TRIP11: variants seen among roughly 807,000 people sequenced by gnomAD.
TRIP11 encodes the protein thyroid receptor-interacting protein 11.
In TRIP11, 148 loss-of-function variants were observed where a neutral mutation model predicts 223.1. That is an observed-to-expected ratio of 0.66 (90% CI 0.58 to 0.76). The LOEUF (loss-of-function observed/expected upper bound fraction) is 0.76, where lower values mean the gene tolerates loss of function less well. TRIP11 is among the 30% of genes least tolerant of loss of function. TRIP11 has a pLI of 0.00. For missense variants in TRIP11, 2,043 were observed against 2,222.0 expected (o/e 0.92, Z 1.62); for synonymous variants, 762 against 772.6 (o/e 0.99, Z 0.23).
chr14:91,977,068 A>G (rs932281809), intron 16 of TRIP11: 5 of 262,082 alleles, frequency 1.9e-5, no homozygotes, highest in Admixed American at 5.0e-5. Flanking sequence ...TGAAAGAAAT[A>G]AAGAGGAGAG....
chr14:92,000,598 ATT>A (rs1595383501), intron 11 of TRIP11, among the ~76,000 whole-genome samples: 2 of 152,232 alleles, frequency 1.3e-5, no homozygotes, highest in East Asian at 3.8e-4. Flanking sequence ...GAATAAGTTT[ATT>A]AGAAATGTTT....
chr14:91,972,689 T>C (rs909805406), intron 20 of TRIP11, 28 bp downstream of exon 20: 13 of 1,585,314 alleles, frequency 8.2e-6, no homozygotes, highest in Non-Finnish European at 1.1e-5. Context: ...ATTTTCAAAT[T>C]ATAGAAAAAT....
rs1036135729 is a variant in TRIP11 at position 92,006,313 on chromosome 14, T to C, written c.1663A>G (p.Lys555Glu). The C allele has an allele frequency of 1.9e-6, 3 of 1,610,740 alleles. No homozygotes were observed. Among genetic ancestry groups the C allele is most frequent in the Non-Finnish European group, 2.5e-6 (3 of 1,178,788 alleles). Residue 555 changes from lysine to glutamate, a missense_variant, in exon 11 of 21, where the codon AAA (lysine) becomes GAA (glutamate). By Grantham distance (56) the Lys-to-Glu change is moderately conservative. Transcript: ENST00000267622. ...TTTTCTTTCTGTACATCTAACTCTTTAGTAATGTCCATTTTATCATCTTCA... is the reference window on the plus strand; with the variant it reads ...TTTTCTTTCTGTACATCTAACTCTTCAGTAATGTCCATTTTATCATCTTCA... ...QLEDDKMDIT[K>E]ELDVQKEKLI... is the part of the protein sequence containing the mutation.
At chr14:91,972,333 A>T (rs1566841950) in intron 20 of TRIP11, among the ~76,000 whole-genome samples, 1 of 152,232 alleles carries the variant, frequency 6.6e-6, no homozygotes, top group Non-Finnish European at 1.5e-5. Context: ...TAAACTACAC[A>T]TCTAACTCGG....
At chr14:92,011,905 G>A (rs2056978329) in intron 7 of TRIP11, 110 bp from the exon 8 acceptor site, 1 of 914,398 alleles carries the variant, frequency 1.1e-6, no homozygotes, top group African/African-American at 1.6e-5. Flanking sequence ...AGCACCACTG[G>A]CAAGCAGTAA....
intron 2 of TRIP11, among the ~76,000 whole-genome samples, chr14:92,029,638 A>G (rs1277773948): frequency 1.7e-5 from 2 of 118,076 alleles, no homozygotes; most frequent in Non-Finnish European, 3.8e-5. Context: ...AAAAGAAAAC[A>G]GCTGTCTACA....
rs138609510 is a variant in TRIP11, at chr14:91,992,711, T to C, written c.5160+1098A>G. Among the ~76,000 whole-genome samples, 437 of 151,690 alleles carry C rather than the reference T, an allele frequency of 2.9e-3. 6 individuals carry two copies. The highest frequency in any genetic ancestry group is 0.02 in the East Asian group (103 of 5,140). ...GATCACGAGGTCAGGAGATCGAGAC[T>C]ATCCTGGCTAACATGGTGAAACCTC... On this transcript the variant is annotated intron_variant, in intron 15 of 20. Coordinates refer to ENST00000267622, the MANE Select transcript of TRIP11 (RefSeq NM_004239.4).
chr14:91,979,980 TAA>T (rs774566161), intron 16 of TRIP11, among the ~76,000 whole-genome samples: 54 of 140,246 alleles, frequency 3.9e-4, no homozygotes, highest in Admixed American at 5.0e-4. Context: ...TTTTGGAAGT[TAA>T]AAAAAAAAAA....
intron 20 of TRIP11, among the ~76,000 whole-genome samples, chr14:91,972,290 A>C (rs889841926): frequency 1.3e-5 from 2 of 152,154 alleles, no homozygotes; most frequent in African/African-American, 4.8e-5. Flanking sequence ...GTAGCACTTA[A>C]ATTTTCAAAG....
intron 1 of TRIP11, among the ~76,000 whole-genome samples, chr14:92,038,067 A>C (rs2057342787): frequency 6.6e-6 from 1 of 152,212 alleles, no homozygotes; most frequent in South Asian, 2.1e-4. Context: ...AAAGCAAAGG[A>C]CAATTCTGGC....
Position 91,970,172 on chromosome 14 carries a change from T to C in TRIP11, c.5720-279A>G, listed in dbSNP as rs59369573. On this transcript the variant is annotated intron_variant, in intron 20 of 20. Transcript: ENST00000267622. Reference sequence around the variant, plus strand: ...CTGTAACCCCAGCACTTTGGGAGGCTGAGGTGGGCGGATCACCTGAGGTCA... The same window carrying C: ...CTGTAACCCCAGCACTTTGGGAGGCCGAGGTGGGCGGATCACCTGAGGTCA... Among the ~76,000 whole-genome samples, 5,651 of 152,184 alleles carry C rather than the reference T, an allele frequency of 0.037. 299 individuals carry two copies. The highest frequency in any genetic ancestry group is 0.12 in the African/African-American group (4,969 of 41,534).
At position 91,968,470 on chromosome 14, in the gene TRIP11, T is replaced by C. The variant is rs1421685830; in HGVS notation, c.*1203A>G. 4.7e-6 allele frequency: 1 copy of C among 213,480 alleles called. No individual in the cohort carries two copies. Among genetic ancestry groups the C allele is most frequent in the Non-Finnish European group, 9.5e-6 (1 of 105,580 alleles). 13.2% of individuals were successfully genotyped at this position (213,480 alleles called of 1,614,324 possible). On this transcript the variant is annotated 3_prime_UTR_variant, in exon 21 of 21. Coordinates refer to ENST00000267622, the MANE Select transcript of TRIP11 (RefSeq NM_004239.4). The stretch of plus-strand genomic sequence containing the variant: ...ATAACAGTTGACTCTCGGATTGCTG[T>C]ACCTCATATGTCAACACCGCAGACG...
intron 2 of TRIP11, among the ~76,000 whole-genome samples, chr14:92,032,304 C>T (rs750792745): frequency 3.3e-5 from 5 of 152,064 alleles, no homozygotes; most frequent in Non-Finnish European, 7.4e-5. Flanking sequence ...TGCACCACCA[C>T]ATCCAGCTAA....
chr14:91,975,649 T>C (rs2140083659), intron 17 of TRIP11, among the ~76,000 whole-genome samples: 1 of 152,146 alleles, frequency 6.6e-6, no homozygotes, highest in East Asian at 1.9e-4. Context: ...TTGTGTTTAA[T>C]GTTATGCTTA....
Position 91,993,750 on chromosome 14 carries a change from T to C in TRIP11, c.5160+59A>G, listed in dbSNP as rs117502191. 0.01 allele frequency: 14,130 copies of C among 1,346,190 alleles called. 117 individuals are homozygous for C. The highest frequency in any genetic ancestry group is 0.012 in the Non-Finnish European group (11,396 of 944,440). The allele number at this position is 1,346,190 out of a possible 1,614,324, so 83.4% of individuals were successfully genotyped here. A position where few individuals can be genotyped will look rare whatever the true frequency, so the allele number is the denominator to read the frequency against. ...AGGAGATTATTTCCAAGACAAAGAC[T>C]CTACAAGTAACTGTTCCATGAATAA... On this transcript the variant is annotated intron_variant, in intron 15 of 20. Coordinates refer to ENST00000267622, the MANE Select transcript of TRIP11 (RefSeq NM_004239.4).
At chr14:91,969,952 A>G (rs1003796919) in intron 20 of TRIP11, 59 bp from the exon 21 acceptor site, 2 of 1,478,408 alleles carry the variant, frequency 1.4e-6, no homozygotes, top group East Asian at 2.3e-5. Flanking sequence ...AAAATGAAAT[A>G]ACTCTGAATG....
chr14:91,982,788 C>T (rs2056560737), intron 16 of TRIP11, among the ~76,000 whole-genome samples: 1 of 152,176 alleles, frequency 6.6e-6, no homozygotes, highest in Non-Finnish European at 1.5e-5. Flanking sequence ...CAGTCTTTAC[C>T]TAGTTTCATG....
At chr14:92,029,230 T>C (rs1023527137) in intron 2 of TRIP11, among the ~76,000 whole-genome samples, 1 of 150,642 alleles carries the variant, frequency 6.6e-6, no homozygotes, top group African/African-American at 2.4e-5. Flanking sequence ...CCTAGGAGAA[T>C]GATGCAATGG....
At chr14:91,975,394 A>G (rs1458677199) in intron 17 of TRIP11, 108 bp from the exon 18 acceptor site, 1 of 606,626 alleles carries the variant, frequency 1.6e-6, no homozygotes, top group African/African-American at 1.9e-5. Flanking sequence ...ATTTACTTAT[A>G]AAAAAGTCTA....
Sources: gnomAD v4.1 joint callset for allele counts (sites outside exome capture counted in the v4.1 genomes callset) on GRCh38, gnomAD v4.1.1 for gene constraint, MANE v1.5 for transcripts, NCBI Gene and HGNC (gene_info 2026-07-23, HGNC 2026-07-21) for gene names.